Variants in FSTL5 observed in about 807,000 individuals in gnomAD.
The protein encoded by FSTL5 is follistatin like 5.
FSTL5 carries 62 observed loss-of-function variants against 89.1 expected under a neutral mutation model. That is an observed-to-expected ratio of 0.70 (90% confidence interval 0.57 to 0.86). FSTL5 has a LOEUF of 0.86. FSTL5 is among the 40% of genes least tolerant of loss of function. FSTL5 has a pLI of 0.00. For synonymous variants in FSTL5, 383 were observed against 346.2 expected, an observed-to-expected ratio of 1.11 and a Z score of -1.18; for missense variants, 1,057 against 1,001.6, an observed-to-expected ratio of 1.06 and a Z score of -0.75.
intron 7 of FSTL5, among the ~76,000 whole-genome samples, chr4:161,603,164 T>A (rs1734310422): frequency 6.6e-6 from 1 of 152,078 alleles, no homozygotes; most frequent in Admixed American, 6.6e-5. Context: ...AAATAGTAAT[T>A]ATACACACAC....
At chr4:161,752,844 G>GT (rs1424851807) in intron 6 of FSTL5, among the ~76,000 whole-genome samples, 1 of 152,048 alleles carries the variant, frequency 6.6e-6, no homozygotes. Context: ...AATCTGATAG[G>GT]TTTTTTGTCC....
chr4:162,033,564 T>A (rs919221567), intron 3 of FSTL5, 61 bp downstream of exon 3: 16 of 850,762 alleles, frequency 1.9e-5, no homozygotes, highest in Non-Finnish European at 5.5e-6. Context: ...TAGCATCACA[T>A]ATCTTTTTTC....
intron 3 of FSTL5, among the ~76,000 whole-genome samples, chr4:161,933,408 A>G (rs1372752658): frequency 6.6e-6 from 1 of 152,112 alleles, no homozygotes; most frequent in Non-Finnish European, 1.5e-5. Flanking sequence ...TGAAAAAGAT[A>G]CTAAGATACA....
intron 15 of FSTL5, among the ~76,000 whole-genome samples, chr4:161,435,698 A>G (rs1455309867): frequency 2.0e-5 from 3 of 150,914 alleles, no homozygotes; most frequent in Non-Finnish European, 4.4e-5. Context: ...ATATATGTAT[A>G]TATTATATAT....
At chr4:161,634,252 G>C (rs1224195205) in intron 7 of FSTL5, among the ~76,000 whole-genome samples, 1 of 152,162 alleles carries the variant, frequency 6.6e-6, no homozygotes, top group Admixed American at 6.6e-5. Flanking sequence ...AAACTTTCAA[G>C]TATCAAGACC....
rs186598896 is a variant in FSTL5, at chr4:161,815,828, G to A, written c.410-39754C>T. ...ATATTACTAAATTTCATTATTTATT[G>A]ACTTTGCTACAATTACCTAATATGC... On this transcript the variant is annotated intron_variant, in intron 4 of 15. Coordinates refer to ENST00000306100, the MANE Select transcript of FSTL5 (RefSeq NM_020116.5). Among the ~76,000 whole-genome samples, 258 of 152,082 alleles carry A rather than the reference G, an allele frequency of 1.7e-3. 2 individuals carry two copies. The highest frequency in any genetic ancestry group is 6.0e-3 in the African/African-American group (249 of 41,490).
Position 161,385,630 on chromosome 4 carries a change from C to G in FSTL5, c.*117G>C. ...AACAATTTATTTTATTTGGACCAAC[C>G]AAGTAAATTTTGTTTGACTAGGATA... On this transcript the variant is annotated 3_prime_UTR_variant, in exon 16 of 16. Transcript: ENST00000306100. 1 of 714,062 alleles carries G rather than the reference C, an allele frequency of 1.4e-6. No homozygotes were observed. The highest frequency in any genetic ancestry group is 2.3e-6 in the Non-Finnish European group (1 of 431,340). 44.2% of individuals were successfully genotyped at this position (714,062 alleles called of 1,614,324 possible).
At chr4:161,778,118 ACACAC>A (rs1741488025) in intron 4 of FSTL5, among the ~76,000 whole-genome samples, 2 of 151,614 alleles carry the variant, frequency 1.3e-5, no homozygotes, top group Non-Finnish European at 2.9e-5. Flanking sequence ...ACACACACAC[ACACAC>A]AAAAGGAAGA....
At chr4:162,112,883 T>C (rs1399643050) in intron 1 of FSTL5, among the ~76,000 whole-genome samples, 1 of 152,026 alleles carries the variant, frequency 6.6e-6, no homozygotes, top group East Asian at 1.9e-4. Flanking sequence ...GTTGTTCTTG[T>C]TGTTGTTTTG....
intron 7 of FSTL5, among the ~76,000 whole-genome samples, chr4:161,608,502 T>A: frequency 6.6e-6 from 1 of 152,184 alleles, no homozygotes; most frequent in African/African-American, 2.4e-5. Flanking sequence ...CTCAGAAATC[T>A]TCTTTGTTAA....
chr4:161,677,123 T>C (rs145069081), intron 6 of FSTL5, among the ~76,000 whole-genome samples: 2,162 of 152,184 alleles, frequency 0.014, 67 homozygotes, highest in South Asian at 0.13. Context: ...GGAATTTATA[T>C]GTAACTGACA....
At chr4:161,888,418 T>A (rs1732882539) in intron 4 of FSTL5, among the ~76,000 whole-genome samples, 1 of 152,282 alleles carries the variant, frequency 6.6e-6, no homozygotes, top group Admixed American at 6.5e-5. Context: ...GGAAAACACA[T>A]GCTGGACTGC....
At chr4:161,956,931 T>G (rs1173847512) in intron 3 of FSTL5, among the ~76,000 whole-genome samples, 2 of 152,084 alleles carry the variant, frequency 1.3e-5, no homozygotes, top group East Asian at 3.9e-4. Context: ...TACATAAAAT[T>G]TATAAGCATA....
chr4:161,888,202 T>C (rs957643488), intron 4 of FSTL5, among the ~76,000 whole-genome samples: 12 of 152,186 alleles, frequency 7.9e-5, no homozygotes, highest in African/African-American at 2.9e-4. Flanking sequence ...GGTGTAGCCA[T>C]GTGACTGAGT....
At chr4:162,012,728 A>G (rs1332996908) in intron 3 of FSTL5, among the ~76,000 whole-genome samples, 2 of 152,186 alleles carry the variant, frequency 1.3e-5, no homozygotes, top group Non-Finnish European at 2.9e-5. Flanking sequence ...CATATGAAAT[A>G]CATGTTGAGA....
intron 15 of FSTL5, among the ~76,000 whole-genome samples, chr4:161,419,344 A>G (rs1008552325): frequency 2.0e-5 from 3 of 152,258 alleles, no homozygotes; most frequent in South Asian, 2.1e-4. Flanking sequence ...CCTACCAATT[A>G]CATATGTATT....
At chr4:161,587,382 A>G in intron 8 of FSTL5, 73 bp downstream of exon 8, 2 of 1,483,288 alleles carry the variant, frequency 1.3e-6, no homozygotes, top group Non-Finnish European at 1.9e-6. Context: ...AAAACTCAAA[A>G]AATTGAAGGC....
At position 161,445,245 on chromosome 4, in the gene FSTL5, G is replaced by A. The variant is rs942775262; in HGVS notation, c.1841+9759C>T. Among the ~76,000 whole-genome samples, 5 of 151,880 alleles carry A rather than the reference G, an allele frequency of 3.3e-5. No homozygotes were observed. The South Asian group carries it at 8.3e-4, about 25-fold the overall frequency. Reference sequence around the variant, plus strand: ...TCTATGTTGGACCATACGAATAAATGGTAGTATAGAGCCTCTACTTTTAGT... The same window carrying A: ...TCTATGTTGGACCATACGAATAAATAGTAGTATAGAGCCTCTACTTTTAGT... On this transcript the variant is annotated intron_variant, in intron 15 of 15. Coordinates refer to ENST00000306100, the MANE Select transcript of FSTL5 (RefSeq NM_020116.5).
At chr4:161,850,409 G>A (rs1731510958) in intron 4 of FSTL5, among the ~76,000 whole-genome samples, 1 of 152,174 alleles carries the variant, frequency 6.6e-6, no homozygotes, top group Non-Finnish European at 1.5e-5. Context: ...CATTCAGCAT[G>A]ATAAGACAAG....
Sources: allele counts gnomAD v4.1 joint callset (sites outside exome capture counted in the v4.1 genomes callset), GRCh38; gene constraint gnomAD v4.1.1; transcripts MANE v1.5; gene names NCBI Gene and HGNC (gene_info 2026-07-23, HGNC 2026-07-21).